Variants in DCC observed in about 807,000 individuals in gnomAD.
The protein encoded by DCC is netrin receptor DCC.
In DCC, 58 loss-of-function variants were observed where a neutral mutation model predicts 172.5. The observed-to-expected ratio is 0.34, with a 90% CI of 0.27 to 0.42. DCC has a LOEUF of 0.42. DCC is among the 10% of genes least tolerant of loss of function. The pLI is 1.00. For synonymous variants in DCC, 709 were observed against 644.5 expected (o/e 1.10, Z -1.52); for missense variants, 1,740 against 1,791.0 (o/e 0.97, Z 0.51).
intron 1 of DCC, among the ~76,000 whole-genome samples, chr18:52,465,224 T>G (rs1210077444): frequency 6.6e-6 from 1 of 152,138 alleles, no homozygotes; most frequent in Non-Finnish European, 1.5e-5. Flanking sequence ...TACTAGAAAT[T>G]GCTAAATATT....
At chr18:52,826,927 AC>A (rs1451933822) in intron 2 of DCC, among the ~76,000 whole-genome samples, 45 of 152,318 alleles carry the variant, frequency 3.0e-4, no homozygotes, top group African/African-American at 1.1e-3. Context: ...GATTACCTAA[AC>A]ATTACAGTAT....
chr18:52,854,955 CAG>C (rs899683429), intron 2 of DCC, among the ~76,000 whole-genome samples: 2 of 152,178 alleles, frequency 1.3e-5, no homozygotes, highest in Non-Finnish European at 2.9e-5. Flanking sequence ...GTGAAACTGT[CAG>C]AAAAGCTTCC....
At chr18:52,646,448 G>A (rs28461294) in intron 1 of DCC, among the ~76,000 whole-genome samples, 5,846 of 152,094 alleles carry the variant, frequency 0.038, 278 homozygotes, top group African/African-American at 0.11. Flanking sequence ...CCTGGATTTA[G>A]CACAGATCCC....
intron 2 of DCC, among the ~76,000 whole-genome samples, chr18:52,905,835 T>A (rs1204841022): frequency 6.6e-6 from 1 of 152,206 alleles, no homozygotes; most frequent in Non-Finnish European, 1.5e-5. Flanking sequence ...TAGAGATGAA[T>A]GACAACATCT....
At chr18:53,399,079 C>T (rs1909136977) in intron 18 of DCC, among the ~76,000 whole-genome samples, 1 of 152,072 alleles carries the variant, frequency 6.6e-6, no homozygotes, top group Non-Finnish European at 1.5e-5. Context: ...GCATTTCATT[C>T]TGTCCAGATA....
At chr18:52,550,504 C>A (rs763597070) in intron 1 of DCC, among the ~76,000 whole-genome samples, 3 of 152,068 alleles carry the variant, frequency 2.0e-5, no homozygotes, top group Non-Finnish European at 4.4e-5. Flanking sequence ...AGCCTATGGG[C>A]TTTGATATCT....
chr18:52,388,015 T>C (rs1398155452), intron 1 of DCC, among the ~76,000 whole-genome samples: 1 of 152,004 alleles, frequency 6.6e-6, no homozygotes, highest in Non-Finnish European at 1.5e-5. Context: ...TCCATGGGCA[T>C]ACTAATCACA....
At chr18:53,082,124 C>T (rs1426773431) in intron 7 of DCC, among the ~76,000 whole-genome samples, 1 of 152,080 alleles carries the variant, frequency 6.6e-6, no homozygotes, top group Non-Finnish European at 1.5e-5. Flanking sequence ...TCAATGGGGG[C>T]TTTCACTGTA....
intron 21 of DCC, among the ~76,000 whole-genome samples, chr18:53,431,390 G>T (rs1367634131): frequency 1.3e-5 from 2 of 151,100 alleles, no homozygotes; most frequent in African/African-American, 4.9e-5. Flanking sequence ...GTGTTATTGA[G>T]AAAATATGGG....
intron 12 of DCC, among the ~76,000 whole-genome samples, chr18:53,279,414 G>T (rs1015055584): frequency 2.0e-5 from 3 of 148,196 alleles, no homozygotes; most frequent in African/African-American, 5.0e-5. Context: ...ACCAAATACC[G>T]CATGTTTTCA....
intron 1 of DCC, among the ~76,000 whole-genome samples, chr18:52,374,171 C>T (rs1232692352): frequency 6.6e-6 from 1 of 152,082 alleles, no homozygotes; most frequent in Non-Finnish European, 1.5e-5. Flanking sequence ...GGATTACAGA[C>T]ATGAGCCACC....
intron 2 of DCC, among the ~76,000 whole-genome samples, chr18:52,753,472 G>T (rs2041029352): frequency 6.6e-6 from 1 of 152,078 alleles, no homozygotes; most frequent in African/African-American, 2.4e-5. Flanking sequence ...AATATAATTT[G>T]CTAATTTTAC....
At chr18:53,205,433 C>A in intron 10 of DCC, 69 bp downstream of exon 10, 1 of 1,487,814 alleles carries the variant, frequency 6.7e-7, no homozygotes, top group Non-Finnish European at 9.4e-7. Context: ...AGCTCTAGGG[C>A]TGGAGAAATA....
chr18:52,582,611 C>T (rs183969518), intron 1 of DCC, among the ~76,000 whole-genome samples: 2 of 152,310 alleles, frequency 1.3e-5, no homozygotes, highest in African/African-American at 2.4e-5. Context: ...TGCCTCTTTA[C>T]ATTTTTACTT....
At chr18:52,857,245 G>A (rs1447853720) in intron 2 of DCC, among the ~76,000 whole-genome samples, 1 of 152,226 alleles carries the variant, frequency 6.6e-6, no homozygotes, top group Non-Finnish European at 1.5e-5. Context: ...AATTCAGGCT[G>A]CAGACATGTT....
At chr18:52,382,989 G>A (rs1295342883) in intron 1 of DCC, among the ~76,000 whole-genome samples, 1 of 151,984 alleles carries the variant, frequency 6.6e-6, no homozygotes, top group Non-Finnish European at 1.5e-5. Context: ...TTATTCCCTA[G>A]TATTGTATGA....
chr18:52,902,404 G>C (rs2039822975), intron 2 of DCC, among the ~76,000 whole-genome samples: 1 of 152,146 alleles, frequency 6.6e-6, no homozygotes, highest in African/African-American at 2.4e-5. Context: ...CATTACAACG[G>C]ATCAGATGTG....
Position 52,645,341 on chromosome 18 carries a change from A to G in DCC, c.92-106713A>G, listed in dbSNP as rs76833719. 5.3e-5 allele frequency among the ~76,000 whole-genome samples: 8 copies of G among 152,288 alleles called. No individual in the cohort carries two copies. In the East Asian group the frequency reaches 1.4e-3, roughly 26 times the overall value. On this transcript the variant is annotated intron_variant, in intron 1 of 28. Transcript: ENST00000442544. ...GAAGGTTCTAAGGCAGTTAAATTTT[A>G]TACTTTCATTGACATAAACCACCTA... is the stretch of plus-strand genomic sequence containing the variant.
At chr18:52,991,414 G>A (rs768011163) in intron 5 of DCC, among the ~76,000 whole-genome samples, 18 of 152,170 alleles carry the variant, frequency 1.2e-4, no homozygotes, top group Admixed American at 7.2e-4. Flanking sequence ...ATTGAAGGGC[G>A]TATTAGGAGA....
Sources: gnomAD v4.1 joint callset for allele counts (sites outside exome capture counted in the v4.1 genomes callset) on GRCh38, gnomAD v4.1.1 for gene constraint, MANE v1.5 for transcripts, NCBI Gene and HGNC (gene_info 2026-07-23, HGNC 2026-07-21) for gene names.